Variants in ZFHX4 observed in about 807,000 individuals in gnomAD.
ZFHX4 encodes zinc finger homeobox 4.
ZFHX4 carries 56 observed loss-of-function variants against 267.6 expected under a neutral mutation model. That is an observed-to-expected ratio of 0.21 (90% CI 0.17 to 0.26). The LOEUF (loss-of-function observed/expected upper bound fraction) is 0.26, where lower values mean the gene tolerates loss of function less well. Among genes scored for constraint, ZFHX4 ranks in the 10% least tolerant of loss-of-function variants. ZFHX4 has a pLI of 1.00. For synonymous variants in ZFHX4, 1,778 were observed against 1,665.6 expected (o/e 1.07, Z -1.64); for missense variants, 4,332 against 4,420.0 (o/e 0.98, Z 0.56).
chr8:76,809,012 C>G (rs1811311942), intron 4 of ZFHX4, among the ~76,000 whole-genome samples: 1 of 151,670 alleles, frequency 6.6e-6, no homozygotes, highest in Non-Finnish European at 1.5e-5. Context: ...TTACATCCAG[C>G]CTCTTATCTA....
chr8:76,696,301 T>C (rs1196982866), intron 1 of ZFHX4, among the ~76,000 whole-genome samples: 1 of 152,172 alleles, frequency 6.6e-6, no homozygotes, highest in Admixed American at 6.6e-5. Flanking sequence ...CATGCATCTT[T>C]TGAATCAATA....
intron 4 of ZFHX4, among the ~76,000 whole-genome samples, chr8:76,806,803 G>A (rs746575610): frequency 2.2e-4 from 34 of 151,678 alleles, no homozygotes; most frequent in Non-Finnish European, 4.4e-4. Context: ...TTGTTATTTC[G>A]GTCCTTGCAA....
chr8:76,736,195 G>T (rs1809154652), intron 3 of ZFHX4, among the ~76,000 whole-genome samples: 1 of 151,364 alleles, frequency 6.6e-6, no homozygotes. Flanking sequence ...TTCAATCAAG[G>T]GAAGTGGCAT....
At chr8:76,751,969 G>A (rs901557015) in intron 3 of ZFHX4, among the ~76,000 whole-genome samples, 1 of 152,090 alleles carries the variant, frequency 6.6e-6, no homozygotes, top group Non-Finnish European at 1.5e-5. Flanking sequence ...GTATATCTCA[G>A]CCTAACTAAC....
intron 3 of ZFHX4, among the ~76,000 whole-genome samples, chr8:76,709,121 A>G (rs1444623598): frequency 6.6e-6 from 1 of 152,214 alleles, no homozygotes; most frequent in South Asian, 2.1e-4. Flanking sequence ...ACCACACATG[A>G]AAAGAGCAGG....
intron 3 of ZFHX4, among the ~76,000 whole-genome samples, chr8:76,776,930 G>A (rs538727308): frequency 6.6e-6 from 1 of 152,208 alleles, no homozygotes; most frequent in East Asian, 1.9e-4. Context: ...CCAGGGAGGT[G>A]GGGGAGGGAA....
chr8:76,718,870 T>C (rs1808644846), intron 3 of ZFHX4, among the ~76,000 whole-genome samples: 1 of 151,446 alleles, frequency 6.6e-6, no homozygotes, highest in Admixed American at 6.6e-5. Flanking sequence ...ACTACCCCCT[T>C]AATTACAGCA....
intron 3 of ZFHX4, among the ~76,000 whole-genome samples, chr8:76,755,697 G>C (rs1809742396): frequency 6.6e-6 from 1 of 152,084 alleles, no homozygotes; most frequent in East Asian, 1.9e-4. Flanking sequence ...ATATTACTTT[G>C]TGTTGAAATT....
intron 3 of ZFHX4, among the ~76,000 whole-genome samples, chr8:76,726,978 A>G (rs1325384926): frequency 2.0e-5 from 3 of 152,216 alleles, no homozygotes; most frequent in African/African-American, 7.2e-5. Flanking sequence ...TTTAATGCTT[A>G]GCGTCATGAT....
At chr8:76,861,280 A>G (rs1812859833) in intron 10 of ZFHX4, among the ~76,000 whole-genome samples, 1 of 152,102 alleles carries the variant, frequency 6.6e-6, no homozygotes, top group Non-Finnish European at 1.5e-5. Context: ...AACCCCTGAA[A>G]TTGATTCAGT....
chr8:76,804,954 A>G (rs887092060), intron 4 of ZFHX4, among the ~76,000 whole-genome samples: 1 of 152,114 alleles, frequency 6.6e-6, no homozygotes, highest in Non-Finnish European at 1.5e-5. Context: ...TGCTCTGAAC[A>G]TGCATACATT....
intron 3 of ZFHX4, among the ~76,000 whole-genome samples, chr8:76,711,457 A>C (rs1808422181): frequency 6.6e-6 from 1 of 152,192 alleles, no homozygotes; most frequent in Admixed American, 6.5e-5. Flanking sequence ...AGCTACAATC[A>C]ATCTTGCAAA....
intron 4 of ZFHX4, among the ~76,000 whole-genome samples, chr8:76,821,476 A>C (rs1466205010): frequency 6.6e-6 from 1 of 151,874 alleles, no homozygotes; most frequent in Non-Finnish European, 1.5e-5. Flanking sequence ...AGTCGGCCTA[A>C]CTACGATAGC....
At chr8:76,856,775 T>C (rs1199499991) in intron 10 of ZFHX4, among the ~76,000 whole-genome samples, 2 of 152,038 alleles carry the variant, frequency 1.3e-5, no homozygotes, top group Admixed American at 6.6e-5. Context: ...ACACCCAGAG[T>C]TCAAAAGTTG....
At chr8:76,807,516 G>T (rs1811275139) in intron 4 of ZFHX4, among the ~76,000 whole-genome samples, 1 of 152,120 alleles carries the variant, frequency 6.6e-6, no homozygotes, top group Non-Finnish European at 1.5e-5. Flanking sequence ...CATACAGACA[G>T]CTCTGTATAG....
At chr8:76,776,678 CT>C (rs1161775370) in intron 3 of ZFHX4, among the ~76,000 whole-genome samples, 7 of 152,182 alleles carry the variant, frequency 4.6e-5, no homozygotes, top group Admixed American at 1.3e-4. Context: ...AGAGCCATAA[CT>C]TACATGAGCT....
At chr8:76,801,810 T>G (rs1424093784) in intron 4 of ZFHX4, among the ~76,000 whole-genome samples, 2 of 152,156 alleles carry the variant, frequency 1.3e-5, no homozygotes, top group Non-Finnish European at 2.9e-5. Context: ...AGGTTATTGT[T>G]GGAAATGAAT....
At chr8:76,688,765 T>A (rs1807753707) in intron 1 of ZFHX4, among the ~76,000 whole-genome samples, 1 of 152,126 alleles carries the variant, frequency 6.6e-6, no homozygotes, top group Admixed American at 6.6e-5. Flanking sequence ...TTAAACAAGC[T>A]CTTTCTGGTT....
intron 3 of ZFHX4, among the ~76,000 whole-genome samples, chr8:76,754,116 G>C (rs1809700107): frequency 6.6e-6 from 1 of 152,114 alleles, no homozygotes; most frequent in Non-Finnish European, 1.5e-5. Context: ...TGAGAAATGT[G>C]AACAGTTATT....
Sources: gnomAD v4.1 joint callset for allele counts (sites outside exome capture counted in the v4.1 genomes callset) on GRCh38, gnomAD v4.1.1 for gene constraint, MANE v1.5 for transcripts, NCBI Gene and HGNC (gene_info 2026-07-23, HGNC 2026-07-21) for gene names.